Variants in DGLUCY observed in about 807,000 individuals in gnomAD.
The protein encoded by DGLUCY is D-glutamate cyclase, mitochondrial.
In DGLUCY, 58 loss-of-function variants were observed where a neutral mutation model predicts 58.5. The ratio of observed to expected loss-of-function variants is 0.99; its 90% confidence interval spans 0.80 to 1.23. The LOEUF is 1.23. Among genes scored for constraint, DGLUCY ranks in the 50% most tolerant of loss-of-function variants. DGLUCY has a pLI of 0.00. For synonymous variants in DGLUCY, 325 were observed against 314.1 expected (o/e 1.03, Z -0.37); for missense variants, 779 against 784.7 (o/e 0.99, Z 0.09).
At chr14:91,076,848 C>G (rs763828685) in intron 1 of DGLUCY, among the ~76,000 whole-genome samples, 1 of 152,134 alleles carries the variant, frequency 6.6e-6, no homozygotes, top group Non-Finnish European at 1.5e-5. Flanking sequence ...GGCTAGACCA[C>G]GGTGTCCTGT....
At chr14:91,104,284 G>A (rs1009099214), upstream of DGLUCY, among the ~76,000 whole-genome samples, 5 of 151,546 alleles carry the variant, frequency 3.3e-5, no homozygotes, top group African/African-American at 7.3e-5. Flanking sequence ...GGATAGTCTC[G>A]ATCTCCTGAC....
intron 6 of DGLUCY, 143 bp downstream of exon 6, chr14:91,173,582 C>T (rs1484850323): frequency 2.5e-6 from 3 of 1,198,372 alleles, no homozygotes; most frequent in East Asian, 2.7e-5. Context: ...ATCCTGACAG[C>T]CTCTCTTGGA....
chr14:91,066,530 A>G (rs577458212), intron 1 of DGLUCY, among the ~76,000 whole-genome samples: 1 of 152,028 alleles, frequency 6.6e-6, no homozygotes, highest in African/African-American at 2.4e-5. Context: ...GGTCTCACCT[A>G]TCCTTAGCTT....
intron 1 of DGLUCY, among the ~76,000 whole-genome samples, chr14:91,084,743 C>A (rs1457149949): frequency 6.6e-6 from 1 of 152,212 alleles, no homozygotes; most frequent in Non-Finnish European, 1.5e-5. Context: ...GAGAGAGGCA[C>A]CCCTGGGGAG....
In DGLUCY at chr14:91,170,123, C is replaced by T. The variant is rs1213938848; in HGVS notation, c.378C>T (p.Phe126=). The T allele has an allele frequency of 1.2e-6, 2 of 1,613,260 alleles. No homozygotes were observed. The highest frequency in any genetic ancestry group is 2.7e-5 in the African/African-American group (2 of 74,924). ...DMVAFFLGCS[F]SLEEALEKAG... ...TGGCCTTCTTCCTGGGCTGCAGCTT[C>T]TCCCTGGAGGAGGCCTTGGAGAAAG... Residue 126 remains phenylalanine (F), a synonymous_variant, in exon 5 of 14, where the codon TTC becomes TTT. Transcript: ENST00000256324.
At chr14:91,062,102 C>T (rs1012499823) in intron 1 of DGLUCY, among the ~76,000 whole-genome samples, 2 of 152,054 alleles carry the variant, frequency 1.3e-5, no homozygotes, top group African/African-American at 4.8e-5. Context: ...CTCAGCTCTG[C>T]CATTGTAGCG....
intron 1 of DGLUCY, among the ~76,000 whole-genome samples, chr14:91,118,142 A>C (rs555841466): frequency 7.8e-6 from 1 of 128,526 alleles, no homozygotes; most frequent in African/African-American, 3.0e-5. Context: ...GTACAGTGGG[A>C]TGATCTTGGC....
chr14:91,160,431 A>G, intron 3 of DGLUCY, 34 bp downstream of exon 3: 1 of 1,455,056 alleles, frequency 6.9e-7, no homozygotes, highest in Non-Finnish European at 9.3e-7. Context: ...AAAAAAAAAA[A>G]AAAAAAAAAA....
chr14:91,154,503 G>T (rs966643813), intron 1 of DGLUCY, among the ~76,000 whole-genome samples: 6 of 152,126 alleles, frequency 3.9e-5, no homozygotes, highest in African/African-American at 1.4e-4. Context: ...AAATTCAATA[G>T]AACTGTTTTA....
chr14:91,154,541 A>G (rs796500874), intron 1 of DGLUCY, among the ~76,000 whole-genome samples: 2 of 152,312 alleles, frequency 1.3e-5, no homozygotes, highest in African/African-American at 4.8e-5. Flanking sequence ...CCCACAAGGA[A>G]TTCATCTTTT....
intron 9 of DGLUCY, among the ~76,000 whole-genome samples, chr14:91,190,015 T>G: frequency 8.1e-6 from 1 of 123,198 alleles, no homozygotes; most frequent in Admixed American, 1.0e-4. Flanking sequence ...TGAGACGGAG[T>G]CTCGCTCTGT....
Position 91,196,420 on chromosome 14 carries a change from C to T in DGLUCY, c.1241C>T (p.Ser414Leu). ...QIPILTYQGG[S>L]VEAAQAFLCK... ...CCGATATTAACTTACCAAGGTGGAT[C>T]AGTGGAAGCTGCTCAGGCATTCCTG... The change falls in exon 10 of 14, where the codon TCA becomes TTA. Residue 414 changes from serine to leucine, a missense_variant. Ser to Leu is a moderately radical substitution (Grantham distance 145). Coordinates refer to ENST00000256324, the MANE Select transcript of DGLUCY (RefSeq NM_001102368.3). The T allele has an allele frequency of 1.2e-6, 2 of 1,614,114 alleles. No homozygotes were observed. The highest frequency in any genetic ancestry group is 8.5e-7 in the Non-Finnish European group (1 of 1,180,032).
chr14:91,076,765 G>A (rs776061981), intron 1 of DGLUCY, among the ~76,000 whole-genome samples: 64 of 152,140 alleles, frequency 4.2e-4, no homozygotes, highest in Admixed American at 1.2e-3. Context: ...GCAAGACACC[G>A]TCCCAGGAGT....
intron 1 of DGLUCY, among the ~76,000 whole-genome samples, chr14:91,137,687 A>G (rs1049597676): frequency 1.3e-5 from 2 of 151,862 alleles, no homozygotes; most frequent in South Asian, 2.1e-4. Context: ...GAGACACCGT[A>G]CTTGGCCTGA....
At position 91,222,631 on chromosome 14, in the gene DGLUCY, A is replaced by C. The variant is rs749194461; in HGVS notation, c.1717-2053A>C. Among the ~76,000 whole-genome samples the C allele has an allele frequency of 3.1e-4, 47 of 152,226 alleles. 1 individual carries two copies. Among genetic ancestry groups the C allele is most frequent in the Non-Finnish European group, 5.6e-4 (38 of 68,040 alleles). ...ATGCAGGCTCTCAGGCCAGCTGTGAAGAGACAGTTTGCAGTTAACATTTGC... is the reference window on the plus strand; with the variant it reads ...ATGCAGGCTCTCAGGCCAGCTGTGACGAGACAGTTTGCAGTTAACATTTGC... On this transcript the variant is annotated intron_variant, in intron 13 of 13. Transcript: ENST00000256324.
chr14:91,157,231 G>GTGGATGGA (rs1196165761), intron 1 of DGLUCY, among the ~76,000 whole-genome samples: 1 of 94,856 alleles, frequency 1.1e-5, no homozygotes, highest in African/African-American at 6.5e-5. Flanking sequence ...GGATGGATGG[G>GTGGATGGA]TGGATGGATG....
chr14:91,149,909 A>G (rs2047217313), intron 1 of DGLUCY, among the ~76,000 whole-genome samples: 2 of 152,168 alleles, frequency 1.3e-5, no homozygotes, highest in Admixed American at 6.5e-5. Flanking sequence ...AGTTATTCCC[A>G]AATTTTCAGA....
chr14:91,109,553 GGAGGTAATTCCCT>G (rs2044658752), upstream of DGLUCY, among the ~76,000 whole-genome samples: 1 of 152,148 alleles, frequency 6.6e-6, no homozygotes, highest in Non-Finnish European at 1.5e-5. Context: ...CAGGGAACAC[GGAGGTAATTCCCT>G]GAGGCAGAAG....
intron 1 of DGLUCY, among the ~76,000 whole-genome samples, chr14:91,142,505 A>G (rs1359358454): frequency 6.6e-6 from 1 of 152,116 alleles, no homozygotes; most frequent in African/African-American, 2.4e-5. Flanking sequence ...GGGTAATAAG[A>G]TGCAAAGATT....
Sources: gnomAD v4.1 joint callset for allele counts (sites outside exome capture counted in the v4.1 genomes callset) on GRCh38, gnomAD v4.1.1 for gene constraint, MANE v1.5 for transcripts, NCBI Gene and HGNC (gene_info 2026-07-23, HGNC 2026-07-21) for gene names.